Variants in PRDM11 observed in about 807,000 individuals in gnomAD.
PRDM11 encodes the protein PR/SET domain 11, also known as PR domain-containing protein 11.
PRDM11 carries 20 observed loss-of-function variants against 97.8 expected under a neutral mutation model. The ratio of observed to expected loss-of-function variants is 0.20; its 90% confidence interval spans 0.14 to 0.30. The LOEUF (loss-of-function observed/expected upper bound fraction) is 0.30, where lower values mean the gene tolerates loss of function less well. Among genes scored for constraint, PRDM11 ranks in the 10% least tolerant of loss-of-function variants. The probability of loss-of-function intolerance (pLI) is 1.00; values close to 1 mark genes in which losing one functional copy is unlikely to be tolerated. For synonymous variants in PRDM11, 599 were observed against 637.7 expected (o/e 0.94, Z 0.91); for missense variants, 1,139 against 1,555.2 (o/e 0.73, Z 4.50).
intron 1 of PRDM11, among the ~76,000 whole-genome samples, chr11:45,118,749 G>A (rs1444903464): frequency 6.6e-6 from 1 of 152,204 alleles, no homozygotes; most frequent in East Asian, 1.9e-4. Context: ...TTCATATTGG[G>A]TTAAGTATGA....
intron 1 of PRDM11, among the ~76,000 whole-genome samples, chr11:45,136,620 G>C (rs1267769733): frequency 6.6e-6 from 1 of 152,152 alleles, no homozygotes; most frequent in Non-Finnish European, 1.5e-5. Flanking sequence ...GCAAGAACCA[G>C]GTCCCTTAGA....
intron 4 of PRDM11, among the ~76,000 whole-genome samples, chr11:45,184,130 G>A (rs558971536): frequency 1.3e-5 from 2 of 152,310 alleles, no homozygotes; most frequent in East Asian, 1.9e-4. Flanking sequence ...TTGGAGAGGT[G>A]CATCCAGATG....
intron 1 of PRDM11, among the ~76,000 whole-genome samples, chr11:45,103,304 C>A (rs35163470): frequency 6.6e-6 from 1 of 151,962 alleles, no homozygotes; most frequent in Non-Finnish European, 1.5e-5. Flanking sequence ...TGATGGTAGA[C>A]ATATGAAACT....
At chr11:45,211,080 C>T (rs1195412475) in intron 5 of PRDM11, among the ~76,000 whole-genome samples, 1 of 152,172 alleles carries the variant, frequency 6.6e-6, no homozygotes, top group Admixed American at 6.5e-5. Context: ...TGGCCAGCTG[C>T]GGCAGCACTC....
Position 45,151,291 on chromosome 11 carries a change from G to A in PRDM11, c.-7+4414G>A, listed in dbSNP as rs142756251. ...GAGTGAGGCCTGGGAGGGGCTTCCC[G>A]ACAGCTGACCCTGGAGCTGTGCTGG... On this transcript the variant is annotated intron_variant, in intron 1 of 7. Coordinates refer to ENST00000683152, the MANE Select transcript of PRDM11 (RefSeq NM_001384648.1). Among the ~76,000 whole-genome samples the A allele has an allele frequency of 5.9e-3, 891 of 152,300 alleles. 10 individuals are homozygous for A. The highest frequency in any genetic ancestry group is 0.02 in the African/African-American group (829 of 41,562).
At chr11:45,159,147 A>T (rs1851873066) in intron 1 of PRDM11, among the ~76,000 whole-genome samples, 1 of 152,108 alleles carries the variant, frequency 6.6e-6, no homozygotes, top group Non-Finnish European at 1.5e-5. Context: ...GCCCTCCCTG[A>T]GCACCCTGGC....
chr11:45,162,244 G>A lies in PRDM11; in HGVS notation c.-7+15367G>A, dbSNP rs141990076. The stretch of plus-strand genomic sequence containing the variant: ...GTCTACCCGTCTGGGGTGAGGTATC[G>A]CTCTCTACACCTGTCCTGTGGTGTG... On this transcript the variant is annotated intron_variant, in intron 1 of 7. Transcript: ENST00000683152. Among the ~76,000 whole-genome samples, 1,327 of 152,234 alleles carry A rather than the reference G, an allele frequency of 8.7e-3. 21 individuals carry two copies. Among genetic ancestry groups the A allele is most frequent in the African/African-American group, 0.03 (1,229 of 41,550 alleles).
At chr11:45,106,866 T>C (rs1341987162) in intron 1 of PRDM11, among the ~76,000 whole-genome samples, 3 of 152,190 alleles carry the variant, frequency 2.0e-5, no homozygotes, top group Non-Finnish European at 4.4e-5. Context: ...GTCAAGGCAG[T>C]CACAAAAGTC....
chr11:45,220,051 T>G (rs891695920), intron 6 of PRDM11, among the ~76,000 whole-genome samples: 2 of 152,174 alleles, frequency 1.3e-5, no homozygotes, highest in African/African-American at 2.4e-5. Context: ...AAATGTACCC[T>G]ATTTCCCCAA....
chr11:45,169,828 G>A (rs1852158574), intron 1 of PRDM11, among the ~76,000 whole-genome samples: 1 of 152,176 alleles, frequency 6.6e-6, no homozygotes, highest in Non-Finnish European at 1.5e-5. Flanking sequence ...CCCATGACGT[G>A]TTCTCTTCCT....
intron 1 of PRDM11, among the ~76,000 whole-genome samples, chr11:45,139,568 C>CAAAAAAA (rs10594529): frequency 3.1e-4 from 28 of 91,410 alleles, no homozygotes; most frequent in African/African-American, 1.0e-3. Context: ...CTCCAACTCA[C>CAAAAAAA]AAAAAAAAAA....
At chr11:45,101,654 G>A (rs1851984525) in intron 1 of PRDM11, among the ~76,000 whole-genome samples, 1 of 146,254 alleles carries the variant, frequency 6.8e-6, no homozygotes, top group African/African-American at 2.5e-5. Context: ...GGCGTTCAGG[G>A]CTCAGAGCTG....
intron 1 of PRDM11, among the ~76,000 whole-genome samples, chr11:45,134,603 G>T (rs1290030228): frequency 6.7e-6 from 1 of 149,208 alleles, no homozygotes; most frequent in Non-Finnish European, 1.5e-5. Context: ...GGAGGCTGAG[G>T]TGGGAGAATC....
chr11:45,119,628 AAAAAAAAAAAAAAAAAAAAAAC>A (rs1447681987), intron 1 of PRDM11, among the ~76,000 whole-genome samples: 2 of 130,780 alleles, frequency 1.5e-5, no homozygotes, highest in African/African-American at 5.1e-5. Flanking sequence ...TCAAAAAAAA[AAAAAAAAAAAAAAAAAAAAAAC>A]ACCTGGTAAG....
chr11:45,109,362 C>A (rs1051184881), intron 1 of PRDM11, among the ~76,000 whole-genome samples: 1 of 152,202 alleles, frequency 6.6e-6, no homozygotes, highest in Non-Finnish European at 1.5e-5. Flanking sequence ...AGTGCCCTGA[C>A]AACATCACTC....
At chr11:45,187,289 A>G (rs1852739428) in intron 4 of PRDM11, among the ~76,000 whole-genome samples, 1 of 152,184 alleles carries the variant, frequency 6.6e-6, no homozygotes, top group Non-Finnish European at 1.5e-5. Flanking sequence ...ATAGACGTTC[A>G]ACAGAGGAAG....
chr11:45,128,039 C>A (rs2135641610), intron 1 of PRDM11, among the ~76,000 whole-genome samples: 1 of 152,370 alleles, frequency 6.6e-6, no homozygotes, highest in Non-Finnish European at 1.5e-5. Context: ...CTATGCAAGC[C>A]TGGGCAATGG....
At chr11:45,157,444 C>T (rs1851826693) in intron 1 of PRDM11, among the ~76,000 whole-genome samples, 1 of 152,150 alleles carries the variant, frequency 6.6e-6, no homozygotes, top group Non-Finnish European at 1.5e-5. Context: ...TGCTTGCTAG[C>T]TCGCCTGCCA....
At chr11:45,160,028 G>A (rs993892894) in intron 1 of PRDM11, among the ~76,000 whole-genome samples, 2 of 152,188 alleles carry the variant, frequency 1.3e-5, no homozygotes, top group African/African-American at 4.8e-5. Context: ...CACAACTCCA[G>A]CCTCTCCCTT....
Sources: gnomAD v4.1 joint callset for allele counts (sites outside exome capture counted in the v4.1 genomes callset) on GRCh38, gnomAD v4.1.1 for gene constraint, MANE v1.5 for transcripts, NCBI Gene and HGNC (gene_info 2026-07-23, HGNC 2026-07-21) for gene names.